GRID1: variants seen among roughly 807,000 people sequenced by gnomAD.
GRID1 encodes glutamate receptor ionotropic, delta-1.
GRID1 carries 28 observed loss-of-function variants against 98.0 expected under a neutral mutation model. The ratio of observed to expected loss-of-function variants is 0.29; its 90% CI spans 0.21 to 0.39. GRID1 has a LOEUF of 0.39. GRID1 is among the 10% of genes least tolerant of loss of function. GRID1 has a pLI of 1.00. For synonymous variants in GRID1, 553 were observed against 538.5 expected (o/e 1.03, Z -0.37); for missense variants, 1,111 against 1,340.5 (o/e 0.83, Z 2.67).
chr10:86,048,859 C>T (rs989278969), intron 4 of GRID1, among the ~76,000 whole-genome samples: 1 of 152,224 alleles, frequency 6.6e-6, no homozygotes, highest in Non-Finnish European at 1.5e-5. Context: ...GCCCTACAGG[C>T]TTTGGCTCTT....
chr10:86,036,811 C>T (rs1843271981), intron 4 of GRID1, among the ~76,000 whole-genome samples: 1 of 152,210 alleles, frequency 6.6e-6, no homozygotes, highest in Admixed American at 6.5e-5. Context: ...ACCCAGACAC[C>T]AGCCCACGGC....
At position 85,912,598 on chromosome 10, in the gene GRID1, G is replaced by T. The variant is rs77239729; in HGVS notation, c.780+3588C>A. Among the ~76,000 whole-genome samples, 668 of 152,370 alleles carry T rather than the reference G, an allele frequency of 4.4e-3. 5 individuals are homozygous for T. The highest frequency in any genetic ancestry group is 0.015 in the African/African-American group (632 of 41,588). ...TGTAAGGAATGAGAGGGAGCTGGGG[G>T]CACAGCTGGAGGGCCATGCTGGAGG... On this transcript the variant is annotated intron_variant, in intron 5 of 15. Transcript: ENST00000327946.
At chr10:85,731,885 GAGGT>G (rs1841829254) in intron 8 of GRID1, among the ~76,000 whole-genome samples, 1 of 149,240 alleles carries the variant, frequency 6.7e-6, no homozygotes, top group African/African-American at 2.5e-5. Context: ...TAAAGAAAGG[GAGGT>G]AGGGAGGGAG....
rs542870564 is a variant in GRID1, at chr10:85,894,876, T to C, written c.780+21310A>G. Among the ~76,000 whole-genome samples, 689 of 151,198 alleles carry C rather than the reference T, an allele frequency of 4.6e-3. 5 individuals carry two copies. The highest frequency in any genetic ancestry group is 5.2e-3 in the Non-Finnish European group (353 of 67,736). On this transcript the variant is annotated intron_variant, in intron 5 of 15. Transcript: ENST00000327946. Reference sequence around the variant, plus strand: ...TACAAAAATTAGCCCGGCATGGTGGTGTGCACCTGTAATCCCAGCTATTTG... The same window carrying C: ...TACAAAAATTAGCCCGGCATGGTGGCGTGCACCTGTAATCCCAGCTATTTG...
chr10:86,307,611 T>C (rs1847776158), intron 2 of GRID1, among the ~76,000 whole-genome samples: 1 of 152,206 alleles, frequency 6.6e-6, no homozygotes, highest in Non-Finnish European at 1.5e-5. Context: ...AAAGATCTAA[T>C]GCACAGCACG....
chr10:85,693,238 G>T (rs1439552579), intron 12 of GRID1, among the ~76,000 whole-genome samples: 1 of 152,102 alleles, frequency 6.6e-6, no homozygotes, highest in East Asian at 1.9e-4. Flanking sequence ...GAGTAGTTCT[G>T]GGGTGTATGG....
chr10:85,977,197 T>C (rs1308205593), intron 4 of GRID1, among the ~76,000 whole-genome samples: 2 of 152,186 alleles, frequency 1.3e-5, no homozygotes, highest in African/African-American at 2.4e-5. Flanking sequence ...AGACTAGAGT[T>C]CCAAAAACGC....
Position 86,001,683 on chromosome 10 carries a change from A to G in GRID1, c.727-85444T>C, listed in dbSNP as rs1001695517. On this transcript the variant is annotated intron_variant, in intron 4 of 15. Coordinates refer to ENST00000327946, the MANE Select transcript of GRID1 (RefSeq NM_017551.3). ...TACAAAGTTTAGCATCCAATGATCC[A>G]GAAAGTTTCCCTAGCATTTGTGGGA... 3.9e-5 allele frequency among the ~76,000 whole-genome samples: 6 copies of G among 152,362 alleles called. No homozygotes were observed. The South Asian group carries it at 1.0e-3, about 26-fold the overall frequency.
At chr10:85,615,188 G>T (rs887589977) in intron 14 of GRID1, among the ~76,000 whole-genome samples, 1 of 152,170 alleles carries the variant, frequency 6.6e-6, no homozygotes, top group African/African-American at 2.4e-5. Flanking sequence ...CCCTGAGGGG[G>T]TCCCAAGATG....
At chr10:85,896,839 G>A (rs987086718) in intron 5 of GRID1, among the ~76,000 whole-genome samples, 11 of 152,120 alleles carry the variant, frequency 7.2e-5, no homozygotes, top group Non-Finnish European at 2.9e-5. Flanking sequence ...TCATCAGAAG[G>A]AGACATCAAG....
chr10:86,218,861 C>T (rs923120783), intron 2 of GRID1, among the ~76,000 whole-genome samples: 1 of 152,246 alleles, frequency 6.6e-6, no homozygotes, highest in Non-Finnish European at 1.5e-5. Flanking sequence ...CTCCCTAGCA[C>T]CCCGCATGGA....
Position 86,206,680 on chromosome 10 carries a change from C to A in GRID1, c.236-32G>T. 6.3e-7 allele frequency: 1 copy of A among 1,591,456 alleles called. No individual in the cohort carries two copies. The highest frequency in any genetic ancestry group is 8.6e-7 in the Non-Finnish European group (1 of 1,164,930). ...AGAGAGAAGAGAGAGAGGAAGGGGT[C>A]AGCATCAGGGCGATGCTGCACCAGC... On this transcript the variant is annotated intron_variant, in intron 2 of 15. Coordinates refer to ENST00000327946, the MANE Select transcript of GRID1 (RefSeq NM_017551.3). This position sits in a 1 kb window ranked among gnomAD's most constrained non-coding sequence, Gnocchi z 4.1.
intron 4 of GRID1, among the ~76,000 whole-genome samples, chr10:85,917,137 G>T (rs1329185921): frequency 6.6e-6 from 1 of 152,176 alleles, no homozygotes; most frequent in East Asian, 1.9e-4. Flanking sequence ...GGAAGAGACT[G>T]ATGGTTTCCA....
chr10:85,969,545 C>T (rs900236774), intron 4 of GRID1, among the ~76,000 whole-genome samples: 7 of 151,990 alleles, frequency 4.6e-5, no homozygotes, highest in East Asian at 3.9e-4. Flanking sequence ...AAGGAAATTT[C>T]GAAAATTCAT....
chr10:85,990,622 G>C (rs944043399), intron 4 of GRID1, among the ~76,000 whole-genome samples: 2 of 152,290 alleles, frequency 1.3e-5, no homozygotes, highest in African/African-American at 2.4e-5. Flanking sequence ...CATGGGGCTC[G>C]AAGAGCTCAG....
chr10:85,629,308 G>A (rs541196352), intron 13 of GRID1, among the ~76,000 whole-genome samples: 1 of 152,178 alleles, frequency 6.6e-6, no homozygotes, highest in Non-Finnish European at 1.5e-5. Context: ...GTGAAGTCTG[G>A]GATTTTATTG....
At chr10:85,647,155 C>G (rs778962216) in intron 13 of GRID1, 47 bp downstream of exon 13, 1 of 1,505,954 alleles carries the variant, frequency 6.6e-7, no homozygotes, top group East Asian at 2.3e-5. Context: ...CTGACCACCC[C>G]GTGGCCCTGT....
chr10:86,055,293 G>A (rs1230751768), intron 4 of GRID1, among the ~76,000 whole-genome samples: 1 of 152,182 alleles, frequency 6.6e-6, no homozygotes, highest in Non-Finnish European at 1.5e-5. Context: ...CTAAACTCAA[G>A]TTGAGAAAGA....
intron 4 of GRID1, among the ~76,000 whole-genome samples, chr10:85,969,357 T>C (rs1232445981): frequency 6.6e-6 from 1 of 152,180 alleles, no homozygotes; most frequent in East Asian, 1.9e-4. Flanking sequence ...CAGATATCTA[T>C]GGAACACTCC....
Sources: gnomAD v4.1 joint callset for allele counts (sites outside exome capture counted in the v4.1 genomes callset) on GRCh38, gnomAD v4.1.1 for gene constraint, Gnocchi (gnomAD v3.1) non-coding constraint, MANE v1.5 for transcripts, NCBI Gene and HGNC (gene_info 2026-07-23, HGNC 2026-07-21) for gene names.